TESMIN: variants seen among roughly 807,000 people sequenced by gnomAD.
TESMIN encodes the protein CXC domain containing 2.
In TESMIN, 34 loss-of-function variants were observed where a neutral mutation model predicts 47.4. The observed-to-expected ratio is 0.72, with a 90% CI of 0.55 to 0.96. The LOEUF is 0.96. TESMIN is among the 40% of genes least tolerant of loss of function. TESMIN has a pLI of 0.00. For synonymous variants in TESMIN, 278 were observed against 258.9 expected (o/e 1.07, Z -0.71); for missense variants, 610 against 637.2 (o/e 0.96, Z 0.46).
chr11:68,715,564 C>T (rs145222594), intron 7 of TESMIN, among the ~76,000 whole-genome samples: 3 of 152,292 alleles, frequency 2.0e-5, no homozygotes, highest in Admixed American at 6.5e-5. Flanking sequence ...AGTGGACATT[C>T]GCATGTTCTT....
intron 6 of TESMIN, among the ~76,000 whole-genome samples, chr11:68,730,047 GACCCTCCCTCC>G (rs1377036967): frequency 2.6e-5 from 4 of 152,224 alleles, no homozygotes; most frequent in Non-Finnish European, 5.9e-5. Context: ...ATTAAGGCAA[GACCCTCCCTCC>G]ACCAGCTAGA....
chr11:68,736,152 T>G (rs1243674307), intron 6 of TESMIN: 8 of 985,074 alleles, frequency 8.1e-6, no homozygotes, highest in Non-Finnish European at 9.6e-6. Flanking sequence ...TATTCTTTAT[T>G]ATGATGTTCA....
chr11:68,712,313 CA>C (rs1200449924), intron 8 of TESMIN, among the ~76,000 whole-genome samples: 1 of 152,196 alleles, frequency 6.6e-6, no homozygotes, highest in African/African-American at 2.4e-5. Flanking sequence ...TTCAACTGTG[CA>C]TCTCTGTCGT....
At position 68,708,399 on chromosome 11, in the gene TESMIN, A is replaced by C; in HGVS notation, c.1436T>G (p.Leu479Arg). The C allele has an allele frequency of 6.2e-7, 1 of 1,614,220 alleles. No homozygotes were observed. Among genetic ancestry groups the C allele is most frequent in the Non-Finnish European group, 8.5e-7 (1 of 1,180,030 alleles). Residue 479 changes from leucine (L) to arginine (R), a missense_variant, in exon 10 of 10, where the codon CTG (leucine) becomes CGG (arginine). Physicochemically the swap from Leu to Arg is moderately radical, Grantham distance 102. Transcript: ENST00000255087. ...EAEKEHCSKCLAEQMILEEFG... is the reference protein window; with the variant it reads ...EAEKEHCSKCRAEQMILEEFG... ...TTCCTCCAGGATCATCTGCTCTGCC[A>C]GGCACTTGGAGCAGTGTTCTTTCTC...
intron 6 of TESMIN, chr11:68,737,498 C>T (rs1353174421): frequency 7.8e-5 from 77 of 985,634 alleles, no homozygotes; most frequent in Non-Finnish European, 9.2e-5. Context: ...ATCACGAAGC[C>T]ATGCCCGATG....
chr11:68,709,368 G>A lies in TESMIN; in HGVS notation c.1335-868C>T, dbSNP rs564257326. ...CTGCCTGTCCTCCCCGCAGGCCCAC[G>A]TGCAGCCAGAGAAGGCCAAGGTTCT... On this transcript the variant is annotated intron_variant, in intron 9 of 9. Transcript: ENST00000255087. 1.1e-4 allele frequency among the ~76,000 whole-genome samples: 17 copies of A among 152,312 alleles called. No homozygotes were observed. The South Asian group carries it at 3.1e-3, about 28-fold the overall frequency.
intron 6 of TESMIN, chr11:68,737,431 C>G: frequency 1.0e-6 from 1 of 985,596 alleles, no homozygotes; most frequent in Non-Finnish European, 1.2e-6. Context: ...AGTGTGTTTC[C>G]AGATTCACGG....
chr11:68,721,586 TG>T (rs1946204707), intron 6 of TESMIN, among the ~76,000 whole-genome samples: 1 of 152,214 alleles, frequency 6.6e-6, no homozygotes, highest in African/African-American at 2.4e-5. Flanking sequence ...CTGTCTTCCC[TG>T]TTCCTGAGAT....
Position 68,710,874 on chromosome 11 carries a change from C to CT in TESMIN, c.1333dup (p.Arg445LysfsTer55). ...GCAGAGGTTAGTTCAAAGTACCTAC[C>CT]TATCGTGACTGAATCTTGGAAGTCC... is the stretch of plus-strand genomic sequence containing the variant. On this transcript the variant is annotated frameshift_variant and splice_region_variant, in exon 9 of 10. Coordinates refer to ENST00000255087, the MANE Select transcript of TESMIN (RefSeq NM_004923.3). LOFTEE classifies it low-confidence loss of function (END_TRUNC). The CT allele has an allele frequency of 1.2e-6, 2 of 1,610,470 alleles. No homozygotes were observed. Among genetic ancestry groups the CT allele is most frequent in the Non-Finnish European group, 1.7e-6 (2 of 1,178,762 alleles).
chr11:68,709,010 CAA>C (rs575558331), intron 9 of TESMIN, among the ~76,000 whole-genome samples: 118 of 149,914 alleles, frequency 7.9e-4, no homozygotes, highest in Non-Finnish European at 1.5e-3. Context: ...CTCGGCCTCT[CAA>C]AGTGTTAGGA....
At chr11:68,747,139 G>A (rs770716295) in intron 3 of TESMIN, 69 bp downstream of exon 3, 5 of 1,507,902 alleles carry the variant, frequency 3.3e-6, no homozygotes, top group Admixed American at 3.4e-5. Context: ...ATGATCAGTC[G>A]ACTTAGTAAT....
intron 6 of TESMIN, among the ~76,000 whole-genome samples, chr11:68,720,588 T>G (rs1393646809): frequency 6.6e-6 from 1 of 152,140 alleles, no homozygotes; most frequent in East Asian, 1.9e-4. Flanking sequence ...GTCCACCCCT[T>G]CACCCACGGT....
At position 68,750,246 on chromosome 11, in the gene TESMIN, G is replaced by T. The variant is rs1946573960; in HGVS notation, c.415C>A (p.Pro139Thr). ...CCTTCCAGGACCCAGGCGCCCAGGG[G>T]CAACACCGCCGGGCTGCGGTGCGCG... ...LPAHRSPAVL[P>T]LGAWVLEGAS... Residue 139 changes from proline to threonine, a missense_variant, in exon 2 of 10, where the codon CCC (proline) becomes ACC (threonine). Coordinates refer to ENST00000255087, the MANE Select transcript of TESMIN (RefSeq NM_004923.3). The T allele has an allele frequency of 6.5e-7, 1 of 1,537,104 alleles. No homozygotes were observed. The highest frequency in any genetic ancestry group is 8.7e-7 in the Non-Finnish European group (1 of 1,152,212).
At position 68,750,618 on chromosome 11, in the gene TESMIN, C is replaced by T. The variant is rs751784361; in HGVS notation, c.43G>A (p.Asp15Asn). Residue 15 changes from aspartate (D) to asparagine (N), a missense_variant, in exon 2 of 10, where the codon GAT (aspartate) becomes AAT (asparagine). Coordinates refer to ENST00000255087, the MANE Select transcript of TESMIN (RefSeq NM_004923.3). ...PLPGGLPSPE[D>N]AMVTELLSPE... ...CTTAAGAGCTCCGTCACCATCGCAT[C>T]CTCGGGGCTGGGCAGCCCGCCCGGC... 3.8e-6 allele frequency: 6 copies of T among 1,591,708 alleles called. No homozygotes were observed. The highest frequency in any genetic ancestry group is 5.1e-6 in the Non-Finnish European group (6 of 1,168,562).
chr11:68,739,953 TC>T (rs975286170), intron 5 of TESMIN, among the ~76,000 whole-genome samples: 4 of 152,182 alleles, frequency 2.6e-5, no homozygotes, highest in South Asian at 2.1e-4. Context: ...TTACTTTTTT[TC>T]CCCCTTTGCT....
intron 4 of TESMIN, among the ~76,000 whole-genome samples, chr11:68,744,453 T>C (rs1946494557): frequency 6.6e-6 from 1 of 152,230 alleles, no homozygotes; most frequent in Non-Finnish European, 1.5e-5. Context: ...TTTCTTATTA[T>C]TGTGCCAGGT....
rs1227611773 is a variant in TESMIN, at chr11:68,742,858, TTTATG to T, written c.752-469_752-465del. 9.2e-5 allele frequency among the ~76,000 whole-genome samples: 14 copies of T among 152,202 alleles called. No homozygotes were observed. In the South Asian group the frequency reaches 1.7e-3, roughly 18 times the overall value. On this transcript the variant is annotated intron_variant, in intron 4 of 9. Transcript: ENST00000255087. The stretch of plus-strand genomic sequence containing the variant: ...AGGCATACCCAGCTTCGCTGGATAT[TTTATG>T]TTTTCTTTTTTTTTTTTCTTTTTGC...
chr11:68,707,451 G>A lies in TESMIN; in HGVS notation c.*857C>T, dbSNP rs982214009. ...GTTAATGACAACAATTGAAGACATT[G>A]GAAATTTTTATTCATCTTTGCTTTA... is the stretch of plus-strand genomic sequence containing the variant. On this transcript the variant is annotated 3_prime_UTR_variant, in exon 10 of 10. Transcript: ENST00000255087. The A allele has an allele frequency of 5.7e-6, 1 of 176,858 alleles. No individual in the cohort carries two copies. Among genetic ancestry groups the A allele is most frequent in the African/African-American group, 2.3e-5 (1 of 42,598 alleles). The allele number at this position is 176,858 out of a possible 1,614,324, so 11.0% of individuals were successfully genotyped here.
chr11:68,706,974 T>C (rs988709918), downstream of TESMIN, among the ~76,000 whole-genome samples: 2 of 152,168 alleles, frequency 1.3e-5, no homozygotes, highest in African/African-American at 4.8e-5. Flanking sequence ...CCCCCAGCAG[T>C]GCGCCTCCCT....
Sources: allele counts gnomAD v4.1 joint callset (sites outside exome capture counted in the v4.1 genomes callset), GRCh38; gene constraint gnomAD v4.1.1; transcripts MANE v1.5; gene names NCBI Gene and HGNC (gene_info 2026-07-23, HGNC 2026-07-21).